The following DAB1 variants were observed in gnomAD, a reference collection of about 807,000 sequenced individuals.
The protein encoded by DAB1 is DAB adaptor protein 1, also known as disabled homolog 1.
A neutral mutation model predicts 64.6 loss-of-function variants in DAB1; 15 were observed. The ratio of observed to expected loss-of-function variants is 0.23; its 90% CI spans 0.16 to 0.36. The LOEUF (loss-of-function observed/expected upper bound fraction) is 0.36, where lower values mean the gene tolerates loss of function less well. DAB1 is among the 10% of genes least tolerant of loss of function. The pLI is 1.00. For missense variants in DAB1, 596 were observed against 706.7 expected, an observed-to-expected ratio of 0.84 and a Z score of 1.78; for synonymous variants, 235 against 251.9, an observed-to-expected ratio of 0.93 and a Z score of 0.64.
chr1:58,503,392 T>C (rs923872937), intron 3 of DAB1, among the ~76,000 whole-genome samples: 1 of 152,170 alleles, frequency 6.6e-6, no homozygotes, highest in African/African-American at 2.4e-5. Context: ...GAGGAATAAT[T>C]ACTACATATT....
At chr1:57,932,966 C>A (rs77290883) in intron 5 of DAB1, among the ~76,000 whole-genome samples, 4,635 of 152,260 alleles carry the variant, frequency 0.03, 94 homozygotes, top group East Asian at 0.081. Context: ...GAGGGCAGAT[C>A]TTATTAGGAA....
At chr1:57,739,008 GCAT>G (rs1256873107) in intron 6 of DAB1, among the ~76,000 whole-genome samples, 7 of 152,324 alleles carry the variant, frequency 4.6e-5, no homozygotes, top group African/African-American at 1.7e-4. Flanking sequence ...ATCACAGCCT[GCAT>G]CATCACCTTT....
intron 3 of DAB1, among the ~76,000 whole-genome samples, chr1:58,490,353 T>G (rs930960008): frequency 6.6e-6 from 1 of 151,926 alleles, no homozygotes; most frequent in Non-Finnish European, 1.5e-5. Flanking sequence ...TGATGGAAGA[T>G]GAAATTAATG....
intron 5 of DAB1, among the ~76,000 whole-genome samples, chr1:58,089,130 T>C (rs538696422): frequency 7.7e-4 from 118 of 152,354 alleles, no homozygotes; most frequent in African/African-American, 2.6e-3. Context: ...GCCATTTTTT[T>C]CCCACCATAT....
intron 1 of DAB1, among the ~76,000 whole-genome samples, chr1:57,313,055 G>A (rs1479538580): frequency 6.6e-6 from 1 of 152,174 alleles, no homozygotes; most frequent in Non-Finnish European, 1.5e-5. Flanking sequence ...ATTTCTGTCT[G>A]TCGTTATCCA....
intron 6 of DAB1, among the ~76,000 whole-genome samples, chr1:57,659,669 A>T (rs1237858323): frequency 1.3e-5 from 2 of 152,086 alleles, no homozygotes; most frequent in Non-Finnish European, 2.9e-5. Flanking sequence ...TCATGGCTAT[A>T]AAAATCAAAT....
chr1:58,375,495 G>GTATAT (rs1198172667), intron 3 of DAB1, among the ~76,000 whole-genome samples: 5,446 of 142,096 alleles, frequency 0.038, 392 homozygotes, highest in African/African-American at 0.14. Context: ...ATTGATTTGC[G>GTATAT]TATATTGAAC....
chr1:58,286,579 A>G (rs1270393475), intron 4 of DAB1, among the ~76,000 whole-genome samples: 2 of 152,230 alleles, frequency 1.3e-5, no homozygotes, highest in African/African-American at 4.8e-5. Context: ...GATCAACATC[A>G]CTGACTATTA....
At chr1:58,098,024 C>T (rs72667934) in intron 5 of DAB1, among the ~76,000 whole-genome samples, 4,451 of 152,214 alleles carry the variant, frequency 0.029, 91 homozygotes, top group Non-Finnish European at 0.047. Context: ...ATTTATTGAC[C>T]ATTTACTCCA....
At chr1:58,005,955 A>G (rs1376211784) in intron 5 of DAB1, among the ~76,000 whole-genome samples, 1 of 152,202 alleles carries the variant, frequency 6.6e-6, no homozygotes, top group African/African-American at 2.4e-5. Flanking sequence ...ACATACAATA[A>G]GCAGATTTTA....
intron 6 of DAB1, among the ~76,000 whole-genome samples, chr1:57,734,921 GC>G (rs1647611841): frequency 6.6e-6 from 1 of 152,138 alleles, no homozygotes; most frequent in African/African-American, 2.4e-5. Flanking sequence ...ACATATCAAA[GC>G]CTCAGGAAGG....
intron 7 of DAB1, among the ~76,000 whole-genome samples, chr1:57,483,345 A>G (rs1424973616): frequency 2.0e-5 from 3 of 152,120 alleles, no homozygotes; most frequent in African/African-American, 7.2e-5. Context: ...TCATACTATT[A>G]TCATGGTAGT....
At chr1:57,290,327 T>C (rs1342734852) in intron 2 of DAB1, among the ~76,000 whole-genome samples, 1 of 152,188 alleles carries the variant, frequency 6.6e-6, no homozygotes, top group Non-Finnish European at 1.5e-5. Flanking sequence ...GTAGGGTCTC[T>C]GGACCAGCAA....
chr1:58,147,223 C>G (rs375415728), intron 5 of DAB1, among the ~76,000 whole-genome samples: 1 of 149,414 alleles, frequency 6.7e-6, no homozygotes, highest in Non-Finnish European at 1.5e-5. Context: ...AGGAGAATCA[C>G]TTGAGCCTGG....
At chr1:57,526,245 A>AT (rs1045809436) in intron 7 of DAB1, among the ~76,000 whole-genome samples, 13 of 152,086 alleles carry the variant, frequency 8.5e-5, no homozygotes, top group African/African-American at 2.9e-4. Flanking sequence ...CTTAAATAGC[A>AT]TTTTTATAAG....
At chr1:57,649,067 G>T (rs1029852990) in intron 7 of DAB1, among the ~76,000 whole-genome samples, 1 of 152,194 alleles carries the variant, frequency 6.6e-6, no homozygotes, top group Non-Finnish European at 1.5e-5. Context: ...AGTTTAGGAC[G>T]TCAAAATAAC....
intron 3 of DAB1, among the ~76,000 whole-genome samples, chr1:58,398,658 GA>G (rs1644543692): frequency 6.6e-6 from 1 of 152,312 alleles, no homozygotes; most frequent in African/African-American, 2.4e-5. Context: ...AATTTTGCAG[GA>G]GTAATTACTC....
chr1:57,189,115 C>A (rs1206642331), intron 2 of DAB1, among the ~76,000 whole-genome samples: 2 of 152,098 alleles, frequency 1.3e-5, no homozygotes, highest in East Asian at 3.9e-4. Flanking sequence ...ATCAAAATAA[C>A]CTCCTTCTCT....
At chr1:57,683,183 T>C (rs1234852171) in intron 6 of DAB1, among the ~76,000 whole-genome samples, 2 of 152,150 alleles carry the variant, frequency 1.3e-5, no homozygotes, top group Non-Finnish European at 2.9e-5. Flanking sequence ...GTGTGAGACA[T>C]GTGGGTTCAT....
Sources: gnomAD v4.1 joint callset for allele counts (sites outside exome capture counted in the v4.1 genomes callset) on GRCh38, gnomAD v4.1.1 for gene constraint, MANE v1.5 for transcripts, NCBI Gene and HGNC (gene_info 2026-07-23, HGNC 2026-07-21) for gene names.